Variants in MCM6 observed in about 807,000 individuals in gnomAD.
The protein encoded by MCM6 is minichromosome maintenance complex component 6.
A neutral mutation model predicts 94.3 loss-of-function variants in MCM6; 46 were observed. That is an observed-to-expected ratio of 0.49 (90% confidence interval 0.39 to 0.62). MCM6 has a LOEUF of 0.62. Ranked by LOEUF, MCM6 falls within the 20% of genes least tolerant of loss-of-function variation. The pLI is 0.00. For synonymous variants in MCM6, 335 were observed against 351.9 expected (o/e 0.95, Z 0.54); for missense variants, 865 against 1,017.9 (o/e 0.85, Z 2.04).
intron 16 of MCM6, among the ~76,000 whole-genome samples, chr2:135,844,095 C>T (rs1257317396): frequency 6.6e-6 from 1 of 150,760 alleles, no homozygotes; most frequent in African/African-American, 2.4e-5. Flanking sequence ...TCTCCAGATA[C>T]TTTCAGCTGC....
intron 13 of MCM6, among the ~76,000 whole-genome samples, chr2:135,849,516 T>TA (rs919136697): frequency 5.9e-5 from 9 of 152,340 alleles, no homozygotes; most frequent in African/African-American, 9.6e-5. Context: ...GTTATACTGA[T>TA]AAAAAAATAC....
At chr2:135,864,090 G>A (rs565312334) in intron 7 of MCM6, among the ~76,000 whole-genome samples, 12 of 152,112 alleles carry the variant, frequency 7.9e-5, no homozygotes, top group Admixed American at 2.6e-4. Flanking sequence ...CAGCCTGGGC[G>A]ACAGAGTGAG....
At chr2:135,848,902 A>C (rs1456685494) in intron 13 of MCM6, among the ~76,000 whole-genome samples, 1 of 152,156 alleles carries the variant, frequency 6.6e-6, no homozygotes, top group African/African-American at 2.4e-5. Flanking sequence ...AAACAAAACA[A>C]AAAAACAACC....
At chr2:135,871,612 A>G (rs1311522925) in intron 2 of MCM6, among the ~76,000 whole-genome samples, 1 of 152,234 alleles carries the variant, frequency 6.6e-6, no homozygotes, top group Non-Finnish European at 1.5e-5. Context: ...GTTTCTTGCT[A>G]TATATAACAA....
chr2:135,858,135 A>G (rs1345795233), intron 9 of MCM6, 131 bp from the exon 10 acceptor site: 5 of 772,272 alleles, frequency 6.5e-6, no homozygotes, highest in Non-Finnish European at 1.1e-5. Flanking sequence ...TTGAGGTTAC[A>G]GTGAGCCATG....
chr2:135,847,854 G>A (rs747418067), intron 14 of MCM6, among the ~76,000 whole-genome samples, 199 bp downstream of exon 14: 51 of 152,308 alleles, frequency 3.3e-4, no homozygotes, highest in Non-Finnish European at 6.3e-4. Flanking sequence ...GAGCCACCGT[G>A]CCCAGCCAAG....
chr2:135,872,779 T>C lies in MCM6; in HGVS notation c.172A>G (p.Arg58Gly), dbSNP rs751992613. The C allele has an allele frequency of 1.2e-6, 2 of 1,614,234 alleles. No individual in the cohort carries two copies. The highest frequency in any genetic ancestry group is 1.7e-6 in the Non-Finnish European group (2 of 1,180,052). ...QLAEELIRPE[R>G]NTLVVSFVDL... ...ACAAAACTCACAACCAATGTGTTTC[T>C]CTCAGGACGAATCAGTTCCTCTGCT... Residue 58 changes from arginine (R) to glycine (G), a missense_variant, in exon 2 of 17, where the codon AGA becomes GGA. Transcript: ENST00000264156.
At chr2:135,853,901 C>G (rs189749993) in intron 11 of MCM6, among the ~76,000 whole-genome samples, 13 of 152,306 alleles carry the variant, frequency 8.5e-5, no homozygotes, top group African/African-American at 3.1e-4. Flanking sequence ...TTTCTTGCAA[C>G]TTTTCTGTAA....
At chr2:135,865,988 G>A (rs561770205) in intron 6 of MCM6, 144 bp downstream of exon 6, 17 of 940,326 alleles carry the variant, frequency 1.8e-5, no homozygotes, top group Admixed American at 2.9e-5. Flanking sequence ...TATAATCCCA[G>A]CTACTCAGGA....
In MCM6 at chr2:135,868,859, T is replaced by C. The variant is rs767727857; in HGVS notation, c.367A>G (p.Ile123Val). 6.2e-7 allele frequency: 1 copy of C among 1,613,850 alleles called. No individual in the cohort carries two copies. The highest frequency in any genetic ancestry group is 8.5e-7 in the Non-Finnish European group (1 of 1,179,794). ...AFQDLPTRHKIRELTSSRIGL... is the reference protein window; with the variant it reads ...AFQDLPTRHKVRELTSSRIGL... ...ATTCTGGATGAGGTGAGCTCTCGAATCCTGTTTAAAGACAAATGTCCCATT... is the reference window on the plus strand; with the variant it reads ...ATTCTGGATGAGGTGAGCTCTCGAACCCTGTTTAAAGACAAATGTCCCATT... Residue 123 changes from isoleucine (I) to valine (V), a missense_variant and splice_region_variant, in exon 4 of 17, where the codon ATT (isoleucine) becomes GTT (valine). By Grantham distance (29) the Ile-to-Val change is conservative. Coordinates refer to ENST00000264156, the MANE Select transcript of MCM6 (RefSeq NM_005915.6).
Position 135,872,724 on chromosome 2 carries a change from G to A in MCM6, c.227C>T (p.Ser76Phe), listed in dbSNP as rs201423668. 6.2e-6 allele frequency: 10 copies of A among 1,614,016 alleles called. No individual in the cohort carries two copies. The highest frequency in any genetic ancestry group is 1.1e-5 in the South Asian group (1 of 91,080). ...VDLEQFNQQL[S>F]TTIQEEFYRV... ...ATAGAACTCCTCTTGAATGGTGGTG[G>A]AAAGTTGCTGGTTAAATTGTTCCAG... The change falls in exon 2 of 17, where the codon TCC (serine) becomes TTC (phenylalanine). Residue 76 changes from serine to phenylalanine, a missense_variant. This residue lies in a region of MCM6 where 404 missense variants were observed against 451.9 expected (regional missense o/e 0.89). Transcript: ENST00000264156.
chr2:135,874,344 G>T (rs1680259011), intron 1 of MCM6, among the ~76,000 whole-genome samples: 1 of 152,206 alleles, frequency 6.6e-6, no homozygotes, highest in Non-Finnish European at 1.5e-5. Flanking sequence ...AGGAAGAAAG[G>T]ATTAGTGCCT....
chr2:135,847,300 C>T (rs994839821), intron 14 of MCM6, among the ~76,000 whole-genome samples: 3 of 152,052 alleles, frequency 2.0e-5, no homozygotes, highest in Non-Finnish European at 4.4e-5. Flanking sequence ...GCATATGTCC[C>T]AGCTATTAGA....
Position 135,848,299 on chromosome 2 carries a change from ACT to A in MCM6, c.1918-113_1918-112del, listed in dbSNP as rs372452676. 2.0e-3 allele frequency: 1,356 copies of A among 663,958 alleles called. 13 individuals carry two copies. In the African/African-American group the frequency reaches 0.022, roughly 11 times the overall value. The allele number at this position is 663,958 out of a possible 1,614,324, so 41.1% of individuals were successfully genotyped here. A position where few individuals can be genotyped will look rare whatever the true frequency, so the allele number is the denominator to read the frequency against. ...TTTTGGTTTTCTCACAAACACACAC[ACT>A]CTCACAGTGTTGCTTTGGTTTTCTC... is the stretch of plus-strand genomic sequence containing the variant. On this transcript the variant is annotated intron_variant, in intron 13 of 16. Coordinates refer to ENST00000264156, the MANE Select transcript of MCM6 (RefSeq NM_005915.6).
intron 13 of MCM6, among the ~76,000 whole-genome samples, chr2:135,850,439 G>A (rs888442954): frequency 6.6e-5 from 10 of 151,970 alleles, no homozygotes; most frequent in African/African-American, 2.2e-4. Context: ...TACATGTCTC[G>A]TTCCCACCAG....
chr2:135,841,568 CTG>C (rs1679571042), intron 16 of MCM6, among the ~76,000 whole-genome samples: 1 of 152,174 alleles, frequency 6.6e-6, no homozygotes, highest in Non-Finnish European at 1.5e-5. Flanking sequence ...ACTCAGGAAA[CTG>C]TGATTTGATC....
At chr2:135,867,578 T>C (rs1250521955) in intron 4 of MCM6, among the ~76,000 whole-genome samples, 1 of 152,240 alleles carries the variant, frequency 6.6e-6, no homozygotes, top group East Asian at 1.9e-4. Context: ...TCAGCTTTTC[T>C]TTCCATTTTG....
Position 135,857,809 on chromosome 2 carries a change from T to C in MCM6, c.1470+88A>G, listed in dbSNP as rs1200786142. 3 of 1,044,364 alleles carry C rather than the reference T, an allele frequency of 2.9e-6. No individual in the cohort carries two copies. In the African/African-American group the frequency reaches 4.7e-5, roughly 16 times the overall value. The allele number at this position is 1,044,364 out of a possible 1,614,324, so 64.7% of individuals were successfully genotyped here. Reference sequence around the variant, plus strand: ...TGAACAGCATTACACACTGAAGTAATGAATTTTATCCAGGTGAACTTCTCT... The same window carrying C: ...TGAACAGCATTACACACTGAAGTAACGAATTTTATCCAGGTGAACTTCTCT... On this transcript the variant is annotated intron_variant, in intron 10 of 16. Coordinates refer to ENST00000264156, the MANE Select transcript of MCM6 (RefSeq NM_005915.6).
At chr2:135,868,192 A>G (rs1049511380) in intron 4 of MCM6, among the ~76,000 whole-genome samples, 1 of 152,172 alleles carries the variant, frequency 6.6e-6, no homozygotes, top group African/African-American at 2.4e-5. Context: ...ATGATCTCCA[A>G]TTTGGCTCCT....
Sources: gnomAD v4.1 joint callset for allele counts (sites outside exome capture counted in the v4.1 genomes callset) on GRCh38, gnomAD v4.1.1 for gene constraint, gnomAD v4.1.1 regional missense constraint, MANE v1.5 for transcripts, NCBI Gene and HGNC (gene_info 2026-07-23, HGNC 2026-07-21) for gene names.